PTBP2: variants seen among roughly 807,000 people sequenced by gnomAD.
PTBP2 encodes polypyrimidine tract binding protein 2.
PTBP2 carries 13 observed loss-of-function variants against 61.4 expected under a neutral mutation model. The observed-to-expected ratio is 0.21, with a 90% confidence interval of 0.14 to 0.34. The LOEUF (loss-of-function observed/expected upper bound fraction) is 0.34, where lower values mean the gene tolerates loss of function less well. Among genes scored for constraint, PTBP2 ranks in the 10% least tolerant of loss-of-function variants. The pLI is 1.00. For missense variants in PTBP2, 405 were observed against 642.6 expected (o/e 0.63, Z 4.00); for synonymous variants, 215 against 218.5 (o/e 0.98, Z 0.14).
chr1:96,769,653 TAC>T, intron 3 of PTBP2, 48 bp from the exon 4 acceptor site: 1 of 1,271,208 alleles, frequency 7.9e-7, no homozygotes, highest in East Asian at 2.8e-5. Flanking sequence ...GGAAAATTCA[TAC>T]ATTCTTTTAT....
intron 8 of PTBP2, among the ~76,000 whole-genome samples, chr1:96,795,760 G>T (rs138725624): frequency 2.6e-4 from 39 of 152,158 alleles, no homozygotes; most frequent in African/African-American, 8.9e-4. Flanking sequence ...TAGAAAGGAA[G>T]AAGAAATAGG....
At chr1:96,775,222 G>A (rs1417425171) in intron 5 of PTBP2, among the ~76,000 whole-genome samples, 1 of 152,082 alleles carries the variant, frequency 6.6e-6, no homozygotes, top group Non-Finnish European at 1.5e-5. Flanking sequence ...AACCATTTTT[G>A]AAAACTCGAA....
chr1:96,795,038 G>T (rs1207252712), intron 8 of PTBP2, among the ~76,000 whole-genome samples: 1 of 152,140 alleles, frequency 6.6e-6, no homozygotes, highest in East Asian at 1.9e-4. Flanking sequence ...GCGACCATTT[G>T]ATGATATTAT....
At chr1:96,817,149 A>G (rs141193703), downstream of PTBP2, 1 of 152,296 alleles carries the variant, frequency 6.6e-6, no homozygotes, top group Non-Finnish European at 1.5e-5. Flanking sequence ...TTTCATATGT[A>G]TAAAAAAGTT....
chr1:96,811,025 A>AT (rs1662029652), intron 11 of PTBP2, among the ~76,000 whole-genome samples: 1 of 151,772 alleles, frequency 6.6e-6, no homozygotes, highest in African/African-American at 2.4e-5. Flanking sequence ...AAAATATATA[A>AT]CACTGGAGTG....
intron 11 of PTBP2, among the ~76,000 whole-genome samples, chr1:96,807,433 T>A (rs1413780770): frequency 6.6e-6 from 1 of 152,216 alleles, no homozygotes; most frequent in Non-Finnish European, 1.5e-5. Flanking sequence ...GGCACTTTAG[T>A]CAGGTTACAC....
intron 8 of PTBP2, among the ~76,000 whole-genome samples, chr1:96,790,587 A>G (rs1044859677): frequency 3.9e-5 from 6 of 152,164 alleles, no homozygotes; most frequent in African/African-American, 1.4e-4. Context: ...AGAATTATCA[A>G]CCTTGTAATT....
chr1:96,751,313 A>T, intron 2 of PTBP2, 112 bp from the exon 3 acceptor site: 1 of 860,192 alleles, frequency 1.2e-6, no homozygotes, highest in African/African-American at 1.7e-5. Flanking sequence ...ATAGGGATTA[A>T]CATTTTTAAC....
intron 2 of PTBP2, among the ~76,000 whole-genome samples, chr1:96,738,517 C>A (rs1180506163): frequency 2.0e-5 from 3 of 152,124 alleles, no homozygotes; most frequent in Non-Finnish European, 4.4e-5. Context: ...TTGTGATCCG[C>A]CCGCCTCGGA....
chr1:96,810,695 C>G (rs1306084716), intron 11 of PTBP2, among the ~76,000 whole-genome samples: 1 of 152,138 alleles, frequency 6.6e-6, no homozygotes, highest in Non-Finnish European at 1.5e-5. Flanking sequence ...GTTAAGTCTA[C>G]TTATTTATAT....
intron 11 of PTBP2, among the ~76,000 whole-genome samples, chr1:96,808,161 T>C (rs1557777871): frequency 6.6e-6 from 1 of 152,176 alleles, no homozygotes; most frequent in Non-Finnish European, 1.5e-5. Flanking sequence ...CAGATAGTTT[T>C]TGTTTTATGT....
intron 9 of PTBP2, 37 bp from the exon 10 acceptor site, chr1:96,806,382 C>T (rs1448003143): frequency 1.4e-6 from 2 of 1,480,742 alleles, no homozygotes; most frequent in Non-Finnish European, 1.9e-6. Flanking sequence ...CTTCTCTCTT[C>T]TTGTCTTACG....
At position 96,739,619 on chromosome 1, in the gene PTBP2, T is replaced by TG. The variant is rs1491546640; in HGVS notation, c.40-11806_40-11805insG. 1.0e-3 allele frequency among the ~76,000 whole-genome samples: 80 copies of TG among 77,940 alleles called. 1 individual carries two copies. The highest frequency in any genetic ancestry group is 7.1e-3 in the African/African-American group (72 of 10,104). The allele number at this position is 77,940 out of a possible 152,430, so 51.1% of individuals were successfully genotyped here. A position where few individuals can be genotyped will look rare whatever the true frequency, so the allele number is the denominator to read the frequency against. ...CTACAAAATCTGAAACTGGTGTGTG[T>TG]TTTTTTTTTTTTTTTTTTTTTTTTT... On this transcript the variant is annotated intron_variant, in intron 2 of 13. Coordinates refer to ENST00000674951, the MANE Select transcript of PTBP2 (RefSeq NM_021190.4).
At chr1:96,795,664 CAA>C (rs545354830) in intron 8 of PTBP2, among the ~76,000 whole-genome samples, 11 of 152,098 alleles carry the variant, frequency 7.2e-5, no homozygotes, top group Non-Finnish European at 1.3e-4. Context: ...CTGTTATTCA[CAA>C]GAGTATATAA....
chr1:96,723,279 G>A (rs1444818667), intron 1 of PTBP2, among the ~76,000 whole-genome samples: 1 of 152,166 alleles, frequency 6.6e-6, no homozygotes, highest in Non-Finnish European at 1.5e-5. Context: ...CAGTATACTG[G>A]CATTGTAGAA....
intron 2 of PTBP2, 171 bp from the exon 3 acceptor site, chr1:96,751,254 T>C: frequency 1.5e-6 from 1 of 686,454 alleles, no homozygotes; most frequent in East Asian, 2.8e-5. Flanking sequence ...TTTGTGAGAA[T>C]GGGAGAGGGA....
intron 8 of PTBP2, among the ~76,000 whole-genome samples, chr1:96,803,795 G>T (rs1661253022): frequency 6.6e-6 from 1 of 152,200 alleles, no homozygotes; most frequent in Admixed American, 6.5e-5. Flanking sequence ...CTAAGGGCCT[G>T]TTCTACCCAG....
chr1:96,735,505 G>C (rs1198443689), intron 2 of PTBP2, among the ~76,000 whole-genome samples: 1 of 152,082 alleles, frequency 6.6e-6, no homozygotes, highest in Admixed American at 6.6e-5. Flanking sequence ...ATGAGATGAG[G>C]AAAAGACTTA....
At chr1:96,794,810 A>C (rs1660200990) in intron 8 of PTBP2, among the ~76,000 whole-genome samples, 1 of 152,200 alleles carries the variant, frequency 6.6e-6, no homozygotes, top group Non-Finnish European at 1.5e-5. Context: ...TGGGCCAAAA[A>C]CAGCATGATT....
Sources: gnomAD v4.1 joint callset for allele counts (sites outside exome capture counted in the v4.1 genomes callset) on GRCh38, gnomAD v4.1.1 for gene constraint, MANE v1.5 for transcripts, NCBI Gene and HGNC (gene_info 2026-07-23, HGNC 2026-07-21) for gene names.